Variants in NEK11 observed in about 807,000 individuals in gnomAD.
NEK11 encodes NIMA related kinase 11.
Under a neutral mutation model 80.7 loss-of-function variants are expected in NEK11, and 72 were observed. The observed-to-expected ratio is 0.89, with a 90% CI of 0.74 to 1.08. NEK11 has a LOEUF of 1.08. NEK11 is among the 50% of genes least tolerant of loss of function. The pLI, the probability that NEK11 is intolerant of heterozygous loss-of-function variation, is 0.00. For synonymous variants in NEK11, 251 were observed against 260.7 expected (o/e 0.96, Z 0.36); for missense variants, 764 against 763.6 (o/e 1.00, Z -0.01).
intron 14 of NEK11, chr3:131,184,784 C>T (rs1560849717): frequency 9.1e-7 from 1 of 1,097,566 alleles, no homozygotes; most frequent in South Asian, 2.3e-5. Context: ...TAGAATCCTC[C>T]ATGCATACTT....
intron 5 of NEK11, among the ~76,000 whole-genome samples, chr3:131,115,032 A>T (rs2080792425): frequency 6.6e-6 from 1 of 152,194 alleles, no homozygotes; most frequent in Admixed American, 6.5e-5. Flanking sequence ...CATTGTTTAC[A>T]GGTGTGTCTT....
At position 131,030,264 on chromosome 3, in the gene NEK11, C is replaced by T. The variant is rs146060979; in HGVS notation, c.170+386C>T. Among the ~76,000 whole-genome samples, 428 of 152,052 alleles carry T rather than the reference C, an allele frequency of 2.8e-3. 3 individuals carry two copies. Among genetic ancestry groups the T allele is most frequent in the African/African-American group, 9.7e-3 (403 of 41,496 alleles). ...AAAAAAAAAGAACATGGAGTAATGT[C>T]CACTTTGCTCTTTATACCAAAGCAA... On this transcript the variant is annotated intron_variant, in intron 3 of 17. Coordinates refer to ENST00000383366, the MANE Select transcript of NEK11 (RefSeq NM_024800.5).
intron 14 of NEK11, among the ~76,000 whole-genome samples, chr3:131,192,780 G>A (rs1277320226): frequency 6.6e-6 from 1 of 152,152 alleles, no homozygotes; most frequent in African/African-American, 2.4e-5. Context: ...CAGGGTCTTG[G>A]GGGAAGGAAG....
At chr3:131,229,633 T>C (rs1331648923) in intron 15 of NEK11, among the ~76,000 whole-genome samples, 1 of 152,072 alleles carries the variant, frequency 6.6e-6, no homozygotes, top group Non-Finnish European at 1.5e-5. Flanking sequence ...ATTCAGCCAC[T>C]TAAATCCATT....
At chr3:131,037,877 T>C (rs1442203346) in intron 3 of NEK11, among the ~76,000 whole-genome samples, 1 of 152,200 alleles carries the variant, frequency 6.6e-6, no homozygotes, top group African/African-American at 2.4e-5. Context: ...ACTATTTCTA[T>C]ATTATGTCTA....
intron 4 of NEK11, among the ~76,000 whole-genome samples, chr3:131,104,678 C>T (rs528074699): frequency 3.4e-4 from 51 of 152,230 alleles, no homozygotes; most frequent in East Asian, 1.4e-3. Flanking sequence ...TAGAGGTGCA[C>T]GAGAGAGCCT....
intron 14 of NEK11, among the ~76,000 whole-genome samples, chr3:131,188,087 G>T (rs1434517631): frequency 6.6e-6 from 1 of 152,136 alleles, no homozygotes; most frequent in Non-Finnish European, 1.5e-5. Flanking sequence ...ACTAGAGCTG[G>T]CCTGGAGTGC....
intron 17 of NEK11, among the ~76,000 whole-genome samples, chr3:131,336,174 C>T (rs1275080308): frequency 6.6e-6 from 1 of 152,106 alleles, no homozygotes; most frequent in African/African-American, 2.4e-5. Flanking sequence ...AATCCTAAGC[C>T]AAAAGAACAA....
At chr3:131,049,992 A>G (rs1305989042) in intron 3 of NEK11, among the ~76,000 whole-genome samples, 1 of 152,138 alleles carries the variant, frequency 6.6e-6, no homozygotes, top group Non-Finnish European at 1.5e-5. Flanking sequence ...AAAGGCATTA[A>G]TATGGCCCCT....
At chr3:131,269,288 G>T (rs113707939) in intron 16 of NEK11, among the ~76,000 whole-genome samples, 12 of 152,296 alleles carry the variant, frequency 7.9e-5, no homozygotes, top group African/African-American at 2.6e-4. Context: ...ATTTTGTCTC[G>T]CTGGCATTCC....
chr3:131,161,381 G>C (rs191367011), intron 10 of NEK11, among the ~76,000 whole-genome samples: 2 of 152,018 alleles, frequency 1.3e-5, no homozygotes, highest in Non-Finnish European at 2.9e-5. Flanking sequence ...ACACATGCAC[G>C]CATATGTTCA....
At chr3:131,174,076 AAAAAT>A (rs1163514556) in intron 14 of NEK11, among the ~76,000 whole-genome samples, 1 of 152,238 alleles carries the variant, frequency 6.6e-6, no homozygotes, top group Non-Finnish European at 1.5e-5. Flanking sequence ...ATTAAATTCA[AAAAAT>A]AAACTTAGAA....
chr3:131,300,950 T>A (rs1327593765), intron 17 of NEK11, among the ~76,000 whole-genome samples: 6 of 152,224 alleles, frequency 3.9e-5, no homozygotes, highest in African/African-American at 1.4e-4. Context: ...TAGCATTGAA[T>A]ATGTAAATTG....
At chr3:131,171,638 C>A (rs890343543) in intron 14 of NEK11, among the ~76,000 whole-genome samples, 4 of 152,128 alleles carry the variant, frequency 2.6e-5, no homozygotes, top group African/African-American at 9.7e-5. Context: ...TGCCTTCTTT[C>A]AGGGTTGTTG....
intron 14 of NEK11, among the ~76,000 whole-genome samples, chr3:131,201,873 C>T (rs889043784): frequency 3.9e-5 from 6 of 152,096 alleles, no homozygotes; most frequent in East Asian, 3.9e-4. Context: ...CTCGTTCTGT[C>T]GCCCAGGCTG....
intron 14 of NEK11, among the ~76,000 whole-genome samples, chr3:131,191,514 C>T (rs1224695038): frequency 6.6e-6 from 1 of 152,070 alleles, no homozygotes; most frequent in Non-Finnish European, 1.5e-5. Flanking sequence ...TTATATTGGG[C>T]CCACCCAGGT....
chr3:131,297,570 G>C (rs1167296302), intron 17 of NEK11, among the ~76,000 whole-genome samples: 1 of 152,114 alleles, frequency 6.6e-6, no homozygotes, highest in East Asian at 1.9e-4. Context: ...TTAGCCCTTT[G>C]TCAGATGAGT....
intron 3 of NEK11, among the ~76,000 whole-genome samples, chr3:131,050,201 C>T (rs536979457): frequency 4.6e-5 from 7 of 152,248 alleles, no homozygotes; most frequent in East Asian, 3.9e-4. Flanking sequence ...TTTATTACAA[C>T]GAAATAAAAC....
At chr3:131,159,782 A>G (rs1024953716) in intron 10 of NEK11, among the ~76,000 whole-genome samples, 20 of 152,162 alleles carry the variant, frequency 1.3e-4, no homozygotes, top group Non-Finnish European at 2.9e-4. Flanking sequence ...AAAGAATGCA[A>G]TCTCAAGTAT....
Sources: gnomAD v4.1 joint callset for allele counts (sites outside exome capture counted in the v4.1 genomes callset) on GRCh38, gnomAD v4.1.1 for gene constraint, MANE v1.5 for transcripts, NCBI Gene and HGNC (gene_info 2026-07-23, HGNC 2026-07-21) for gene names.